Variants in POM121 observed in about 807,000 individuals in gnomAD.
POM121 encodes nuclear envelope pore membrane protein POM 121.
A neutral mutation model predicts 81.3 loss-of-function variants in POM121; 32 were observed. The ratio of observed to expected loss-of-function variants is 0.39; its 90% CI spans 0.30 to 0.53. The LOEUF (loss-of-function observed/expected upper bound fraction) is 0.53. Among genes scored for constraint, POM121 ranks in the 20% least tolerant of loss-of-function variants. The pLI, the probability that POM121 is intolerant of heterozygous loss-of-function variation, is 0.66. For missense variants in POM121, 1,138 were observed against 1,614.6 expected (o/e 0.70, Z 5.06); for synonymous variants, 514 against 694.2 (o/e 0.74, Z 4.08).
intron 3 of POM121, among the ~76,000 whole-genome samples, chr7:72,909,113 T>G (rs1793562412): frequency 6.6e-6 from 1 of 152,236 alleles, no homozygotes; most frequent in Non-Finnish European, 1.5e-5. Flanking sequence ...TTTAGGGAAC[T>G]AATAAATGTC....
At chr7:72,913,155 A>G (rs2129576473) in intron 3 of POM121, among the ~76,000 whole-genome samples, 1 of 152,366 alleles carries the variant, frequency 6.6e-6, no homozygotes, top group South Asian at 2.1e-4. Flanking sequence ...AATCCAAGGT[A>G]TAAAATGGGA....
rs1485365494 is a variant in POM121 at position 72,942,960 on chromosome 7, C to A, written c.2967C>A (p.Pro989=). The A allele has an allele frequency of 6.2e-7, 1 of 1,601,316 alleles. No individual in the cohort carries two copies. The highest frequency in any genetic ancestry group is 8.5e-7 in the Non-Finnish European group (1 of 1,175,926). Residue 989 remains proline (P), a synonymous_variant, in exon 11 of 13, where the codon CCC becomes CCA. Transcript: ENST00000434423. ...GGGCCGCCAAGCCGGCCCTTGCCCC[C>A]AGCTTTGGCAGCTCTTTCACTTTTG... is the stretch of plus-strand genomic sequence containing the variant. The part of the protein sequence containing the change: ...PPGAAKPALA[P]SFGSSFTFGN...
At position 72,910,810 on chromosome 7, in the gene POM121, A is replaced by AG. The variant is rs371479664; in HGVS notation, c.-215-2950dup. Among the ~76,000 whole-genome samples, 38 of 151,984 alleles carry AG rather than the reference A, an allele frequency of 2.5e-4. 1 individual carries two copies. Among genetic ancestry groups the AG allele is most frequent in the African/African-American group, 8.7e-4 (36 of 41,444 alleles). On this transcript the variant is annotated intron_variant, in intron 3 of 15. Transcript: ENST00000395270. ...TCCTTTTGCGGGGGTTAGGGGATGA[A>AG]GGGGGCACTGGGATTTCCTGGTTGT...
At chr7:72,905,505 A>G (rs1793147253) in intron 3 of POM121, among the ~76,000 whole-genome samples, 1 of 152,132 alleles carries the variant, frequency 6.6e-6, no homozygotes, top group African/African-American at 2.4e-5. Context: ...GGAGTTTGAG[A>G]CCAGCCTGGC....
chr7:72,889,022 A>G (rs1791033495), intron 1 of POM121, among the ~76,000 whole-genome samples: 1 of 152,124 alleles, frequency 6.6e-6, no homozygotes, highest in Admixed American at 6.5e-5. Flanking sequence ...GTTGTATATT[A>G]TGTTTTTAAT....
chr7:72,938,607 C>G lies in POM121; in HGVS notation c.1293C>G (p.Gly431=). ...RGISQLWKRN[G]PSSSPFSSPA... is the part of the protein sequence containing the mutation. ...ATTTTTAGCTCTGGAAGAGAAATGG[C>G]CCCAGTTCATCACCCTTCTCTAGCC... Residue 431 remains glycine (G), a synonymous_variant, in exon 6 of 13, where the codon GGC becomes GGG. Transcript: ENST00000434423. The G allele has an allele frequency of 6.2e-7, 1 of 1,613,882 alleles. No individual in the cohort carries two copies. Among genetic ancestry groups the G allele is most frequent in the Non-Finnish European group, 8.5e-7 (1 of 1,179,820 alleles).
chr7:72,885,786 C>T (rs1449705616), intron 1 of POM121, among the ~76,000 whole-genome samples: 16 of 149,250 alleles, frequency 1.1e-4, no homozygotes, highest in Non-Finnish European at 2.2e-4. Context: ...ATTGATAAAA[C>T]GAGTTAGGTT....
chr7:72,928,487 T>A (rs1389110166), intron 4 of POM121, 22 bp downstream of exon 4: 1 of 1,609,226 alleles, frequency 6.2e-7, no homozygotes, highest in Non-Finnish European at 8.5e-7. Flanking sequence ...TCCATCCGGA[T>A]GAAATACCAA....
At chr7:72,936,227 A>G (rs1393628559) in intron 5 of POM121, among the ~76,000 whole-genome samples, 2 of 151,902 alleles carry the variant, frequency 1.3e-5, no homozygotes, top group African/African-American at 2.4e-5. Flanking sequence ...AGACTTCACT[A>G]TGTTACCTAG....
chr7:72,887,678 T>C (rs1280428911), intron 1 of POM121, among the ~76,000 whole-genome samples: 1 of 151,946 alleles, frequency 6.6e-6, no homozygotes, highest in Non-Finnish European at 1.5e-5. Context: ...AATATAAAAA[T>C]TAGCTGGGCA....
chr7:72,938,708 A>C (rs1796763857), intron 6 of POM121, 27 bp downstream of exon 6: 2 of 1,608,316 alleles, frequency 1.2e-6, no homozygotes, highest in East Asian at 4.5e-5. Context: ...TGCAGTTTTC[A>C]TTTGCTGCGT....
Position 72,906,383 on chromosome 7 carries a change from C to T in POM121, c.-215-7382C>T, listed in dbSNP as rs577988091. ...TCGCCCTGGCATCAGCCAGCTGCTTCGGGAACTCAGGCTCAGGAATTGGGG... is the reference window on the plus strand; with the variant it reads ...TCGCCCTGGCATCAGCCAGCTGCTTTGGGAACTCAGGCTCAGGAATTGGGG... On this transcript the variant is annotated intron_variant, in intron 3 of 15. Coordinates refer to the POM121 transcript ENST00000395270. Among the ~76,000 whole-genome samples the T allele has an allele frequency of 5.9e-5, 9 of 152,346 alleles. No homozygotes were observed. The South Asian group carries it at 8.3e-4, about 14-fold the overall frequency.
chr7:72,907,629 G>A (rs1793384788), intron 3 of POM121, among the ~76,000 whole-genome samples: 1 of 151,952 alleles, frequency 6.6e-6, no homozygotes, highest in Admixed American at 6.6e-5. Flanking sequence ...TCCTGCTTCA[G>A]CCTGTTGAGT....
chr7:72,939,694 T>G (rs1171987397), intron 7 of POM121, among the ~76,000 whole-genome samples, 153 bp from the exon 8 acceptor site: 3 of 152,198 alleles, frequency 2.0e-5, no homozygotes, highest in African/African-American at 7.2e-5. Context: ...CGCCTTAATC[T>G]TGCAAACACC....
At chr7:72,944,098 C>T (rs1423028071) in intron 11 of POM121, among the ~76,000 whole-genome samples, 1 of 152,214 alleles carries the variant, frequency 6.6e-6, no homozygotes, top group African/African-American at 2.4e-5. Context: ...ACATGCCTTT[C>T]AGGCCCAGGA....
chr7:72,930,171 A>C, intron 5 of POM121, 60 bp downstream of exon 5: 4 of 1,532,852 alleles, frequency 2.6e-6, no homozygotes, highest in Non-Finnish European at 3.5e-6. Flanking sequence ...TTCATTGACT[A>C]GGGCCAGACA....
chr7:72,939,393 G>A lies in POM121; in HGVS notation c.1425G>A (p.Glu475=), dbSNP rs782013014. The change falls in exon 7 of 13, where the codon GAG becomes GAA. Residue 475 remains glutamate (E), a synonymous_variant. Coordinates refer to ENST00000434423, the MANE Select transcript of POM121 (RefSeq NM_001387691.1). The part of the protein sequence containing the change: ...SSSTPLAADR[E]SQGEKAADTT... ...CAACTCCATTGGCAGCAGACAGGGAGTCCCAGGGAGAAAAGGGTAGGTTGC... is the reference window on the plus strand; with the variant it reads ...CAACTCCATTGGCAGCAGACAGGGAATCCCAGGGAGAAAAGGGTAGGTTGC... The A allele has an allele frequency of 1.9e-5, 31 of 1,613,832 alleles. No homozygotes were observed. The highest frequency in any genetic ancestry group is 2.5e-5 in the Non-Finnish European group (29 of 1,179,850).
intron 4 of POM121, among the ~76,000 whole-genome samples, chr7:72,915,714 C>T (rs1332487733): frequency 1.3e-5 from 2 of 152,028 alleles, no homozygotes; most frequent in Non-Finnish European, 2.9e-5. Flanking sequence ...ACTGTGTTGC[C>T]CAGGCTGGAG....
intron 3 of POM121, among the ~76,000 whole-genome samples, chr7:72,899,308 G>A (rs1180050211): frequency 3.3e-5 from 5 of 151,848 alleles, no homozygotes; most frequent in Admixed American, 1.3e-4. Flanking sequence ...TCTGATACCC[G>A]CAGCACATTT....
Sources: gnomAD v4.1 joint callset for allele counts (sites outside exome capture counted in the v4.1 genomes callset) on GRCh38, gnomAD v4.1.1 for gene constraint, MANE v1.5 for transcripts, NCBI Gene and HGNC (gene_info 2026-07-23, HGNC 2026-07-21) for gene names.